SLC25A17: variants seen among roughly 807,000 people sequenced by gnomAD.
The protein encoded by SLC25A17 is solute carrier family 25 member 17.
In SLC25A17, 26 loss-of-function variants were observed where a neutral mutation model predicts 38.5. The observed-to-expected ratio is 0.68, with a 90% CI of 0.50 to 0.94. The LOEUF (loss-of-function observed/expected upper bound fraction) is 0.94. Ranked by LOEUF, SLC25A17 falls within the 40% of genes least tolerant of loss-of-function variation. The pLI, the probability that SLC25A17 is intolerant of heterozygous loss-of-function variation, is 0.00. For missense variants in SLC25A17, 333 were observed against 372.7 expected (o/e 0.89, Z 0.88); for synonymous variants, 139 against 136.2 (o/e 1.02, Z -0.14).
At chr22:40,772,030 A>C (rs1259725765) in intron 8 of SLC25A17, among the ~76,000 whole-genome samples, 3 of 151,648 alleles carry the variant, frequency 2.0e-5, no homozygotes, top group Admixed American at 6.6e-5. Flanking sequence ...AAAAAAAAAA[A>C]CAAAGCCATT....
chr22:40,777,196 A>C (rs550917520), intron 6 of SLC25A17, 32 bp downstream of exon 6: 38 of 1,613,374 alleles, frequency 2.4e-5, no homozygotes, highest in African/African-American at 4.0e-5. Flanking sequence ...GTCAGACAGA[A>C]TTATTTTACT....
chr22:40,792,973 C>G (rs2057397137), intron 3 of SLC25A17, among the ~76,000 whole-genome samples: 1 of 151,784 alleles, frequency 6.6e-6, no homozygotes, highest in African/African-American at 2.4e-5. Context: ...TTCCTCATGG[C>G]TGTTAGTTAA....
At chr22:40,812,272 T>C (rs1201212602) in intron 1 of SLC25A17, among the ~76,000 whole-genome samples, 1 of 152,180 alleles carries the variant, frequency 6.6e-6, no homozygotes, top group African/African-American at 2.4e-5. Flanking sequence ...GGTTTATTCA[T>C]TCTGGGCTAT....
At chr22:40,783,701 G>A (rs2057312929) in intron 4 of SLC25A17, among the ~76,000 whole-genome samples, 1 of 151,722 alleles carries the variant, frequency 6.6e-6, no homozygotes, top group Admixed American at 6.6e-5. Flanking sequence ...TATCTAAAAT[G>A]GTACCTCTTT....
intron 7 of SLC25A17, chr22:40,776,247 C>T: frequency 2.2e-6 from 1 of 461,256 alleles, no homozygotes; most frequent in East Asian, 7.2e-5. Flanking sequence ...TTTTATTTAC[C>T]ACTGCATGCC....
At chr22:40,772,017 TAA>T (rs897386642) in intron 8 of SLC25A17, among the ~76,000 whole-genome samples, 2 of 139,966 alleles carry the variant, frequency 1.4e-5, no homozygotes. Flanking sequence ...ATTAAAAAAT[TAA>T]AAAAAAAAAA....
At chr22:40,788,555 G>A (rs1317382688) in intron 4 of SLC25A17, among the ~76,000 whole-genome samples, 1 of 152,158 alleles carries the variant, frequency 6.6e-6, no homozygotes, top group Non-Finnish European at 1.5e-5. Context: ...GCCAGGCGTG[G>A]TGGTGTGCGC....
Position 40,789,923 on chromosome 22 carries a change from G to T in SLC25A17, c.334+2602C>A, listed in dbSNP as rs2057370200. Among the ~76,000 whole-genome samples the T allele has an allele frequency of 6.6e-6, 1 of 151,414 alleles. No individual in the cohort carries two copies. The highest frequency in any genetic ancestry group is 2.4e-5 in the African/African-American group (1 of 41,206). ...CCCAAACTGCTGGGATTACAGGGGTGAGCCACCACACCTGGCCTTGGACCA... is the reference window on the plus strand; with the variant it reads ...CCCAAACTGCTGGGATTACAGGGGTTAGCCACCACACCTGGCCTTGGACCA... On this transcript the variant is annotated intron_variant, in intron 4 of 8. Coordinates refer to ENST00000435456, the MANE Select transcript of SLC25A17 (RefSeq NM_006358.4). This position sits in a 1 kb window ranked among gnomAD's most constrained non-coding sequence, Gnocchi z 4.5.
rs762348424 is a variant in SLC25A17, at chr22:40,779,141, T to C, written c.335-16A>G. 1 of 1,614,154 alleles carries C rather than the reference T, an allele frequency of 6.2e-7. No individual in the cohort carries two copies. Among genetic ancestry groups the C allele is most frequent in the South Asian group, 1.1e-5 (1 of 91,072 alleles). On this transcript the variant is annotated splice_polypyrimidine_tract_variant and intron_variant, in intron 4 of 8. Transcript: ENST00000435456. ...TTAACCACTCCTTTAACAAGAAAGA[T>C]GGAGAGAAAAAGGGAAGGCAAAATG... is the stretch of plus-strand genomic sequence containing the variant.
At chr22:40,773,543 C>T (rs1245136717) in intron 8 of SLC25A17, among the ~76,000 whole-genome samples, 1 of 151,790 alleles carries the variant, frequency 6.6e-6, no homozygotes, top group Non-Finnish European at 1.5e-5. Flanking sequence ...TCATCATCAT[C>T]ATCACTATTA....
intron 1 of SLC25A17, among the ~76,000 whole-genome samples, chr22:40,818,631 G>A (rs987716248): frequency 6.6e-6 from 1 of 151,246 alleles, no homozygotes; most frequent in African/African-American, 2.4e-5. Context: ...GCTGGAGCCC[G>A]GGAGATCGAG....
intron 4 of SLC25A17, among the ~76,000 whole-genome samples, chr22:40,783,581 G>C (rs1159374514): frequency 1.3e-5 from 2 of 152,110 alleles, no homozygotes; most frequent in African/African-American, 4.8e-5. Context: ...AGCCTCCCAA[G>C]TAGCTGGGAT....
chr22:40,773,815 G>A (rs1180633439), intron 8 of SLC25A17, 122 bp downstream of exon 8: 9 of 733,512 alleles, frequency 1.2e-5, no homozygotes, highest in Admixed American at 2.2e-5. Context: ...CAGCAAGCAA[G>A]GGAAAGGTTT....
chr22:40,787,442 G>A (rs770394124), intron 4 of SLC25A17, among the ~76,000 whole-genome samples: 6 of 152,296 alleles, frequency 3.9e-5, no homozygotes, highest in Middle Eastern at 3.4e-3. Flanking sequence ...GCATCCTAGC[G>A]AGTAGCCTAC....
At chr22:40,777,482 T>C (rs2057256826) in intron 5 of SLC25A17, 109 bp from the exon 6 acceptor site, 6 of 1,269,280 alleles carry the variant, frequency 4.7e-6, no homozygotes, top group Admixed American at 2.3e-5. Context: ...ATACTGGTTC[T>C]ATAAAGATTT....
intron 1 of SLC25A17, among the ~76,000 whole-genome samples, chr22:40,814,775 ATATATATATATATATTG>A (rs1444362097): frequency 3.6e-4 from 52 of 145,076 alleles, no homozygotes; most frequent in Middle Eastern, 3.5e-3. Flanking sequence ...ATATATATAT[ATATATATATATATATTG>A]TTGTTGTTGT....
At chr22:40,788,579 T>C (rs2056226028) in intron 4 of SLC25A17, among the ~76,000 whole-genome samples, 1 of 152,064 alleles carries the variant, frequency 6.6e-6, no homozygotes, top group South Asian at 2.1e-4. Flanking sequence ...TAATTCCAGC[T>C]ACTCAGGAGG....
rs2145709447 is a variant in SLC25A17, at chr22:40,812,992, C to G, written c.54+6203G>C. On this transcript the variant is annotated intron_variant, in intron 1 of 8. Transcript: ENST00000435456. The stretch of plus-strand genomic sequence containing the variant: ...CTTTCATATTTAAAAATGTTATTCA[C>G]CTCATCAGAGTTAATGTAAGTCTTT... 2.0e-5 allele frequency among the ~76,000 whole-genome samples: 3 copies of G among 152,266 alleles called. No homozygotes were observed. In the South Asian group the frequency reaches 6.2e-4, roughly 32 times the overall value.
intron 1 of SLC25A17, among the ~76,000 whole-genome samples, chr22:40,800,827 T>C (rs912585844): frequency 4.8e-5 from 7 of 145,774 alleles, no homozygotes; most frequent in African/African-American, 1.0e-4. Context: ...AGGCCAGGCA[T>C]GATGGCTCAC....
Sources: gnomAD v4.1 joint callset for allele counts (sites outside exome capture counted in the v4.1 genomes callset) on GRCh38, gnomAD v4.1.1 for gene constraint, Gnocchi (gnomAD v3.1) non-coding constraint, MANE v1.5 for transcripts, NCBI Gene and HGNC (gene_info 2026-07-23, HGNC 2026-07-21) for gene names.